The following CMTM8 variants were observed in gnomAD, a reference collection of about 807,000 sequenced individuals.
CMTM8 encodes the protein CKLF like MARVEL transmembrane domain containing 8, also known as CKLF-like MARVEL transmembrane domain-containing protein 8.
A neutral mutation model predicts 18.6 loss-of-function variants in CMTM8; 12 were observed. The observed-to-expected ratio is 0.65, with a 90% CI of 0.41 to 1.05. CMTM8 has a LOEUF of 1.05. Among genes scored for constraint, CMTM8 ranks in the 50% least tolerant of loss-of-function variants. The pLI is 0.00. For missense variants in CMTM8, 217 were observed against 227.2 expected (o/e 0.95, Z 0.29); for synonymous variants, 87 against 90.6 (o/e 0.96, Z 0.23).
chr3:32,241,206 C>T (rs1040720035), intron 1 of CMTM8, among the ~76,000 whole-genome samples: 2 of 152,174 alleles, frequency 1.3e-5, no homozygotes, highest in Non-Finnish European at 2.9e-5. Flanking sequence ...TGTTCCCTCA[C>T]CCACCCAGTC....
chr3:32,247,781 A>T (rs539533597), intron 1 of CMTM8, among the ~76,000 whole-genome samples: 2 of 152,292 alleles, frequency 1.3e-5, no homozygotes, highest in Admixed American at 6.5e-5. Context: ...TCTTTTAAAA[A>T]TTTTTTGAAA....
chr3:32,362,007 GTC>G (rs1696940991), intron 2 of CMTM8, among the ~76,000 whole-genome samples: 1 of 145,314 alleles, frequency 6.9e-6, no homozygotes, highest in Admixed American at 6.9e-5. Flanking sequence ...AGAGATGTTT[GTC>G]TCCTTTTACC....
chr3:32,367,747 ACCCTCCCACAGGTGTCCACTTGGGC>A, intron 2 of CMTM8, 100 bp from the exon 3 acceptor site: 1 of 607,666 alleles, frequency 1.6e-6, no homozygotes, highest in African/African-American at 1.8e-5. Flanking sequence ...CTTCTCCCCC[ACCCTCCCACAGGTGTCCACTTGGGC>A]CCCTCCCCAC....
chr3:32,263,500 A>G (rs1365445959), intron 1 of CMTM8, among the ~76,000 whole-genome samples: 2 of 152,216 alleles, frequency 1.3e-5, no homozygotes, highest in African/African-American at 2.4e-5. Context: ...AAGATGGGGA[A>G]AAAAACGAGC....
chr3:32,292,892 C>T (rs1302570371), intron 1 of CMTM8, among the ~76,000 whole-genome samples: 1 of 152,130 alleles, frequency 6.6e-6, no homozygotes, highest in East Asian at 1.9e-4. Flanking sequence ...TGCGAACGTG[C>T]ATTTTGATTT....
At chr3:32,311,330 GC>G (rs1334251229) in intron 1 of CMTM8, among the ~76,000 whole-genome samples, 5 of 152,236 alleles carry the variant, frequency 3.3e-5, no homozygotes, top group Non-Finnish European at 5.9e-5. Flanking sequence ...ACTGTCTATA[GC>G]TGCCTTTGTG....
At chr3:32,279,310 C>T (rs1307260290) in intron 1 of CMTM8, among the ~76,000 whole-genome samples, 12 of 139,428 alleles carry the variant, frequency 8.6e-5, no homozygotes, top group Admixed American at 8.5e-4. Flanking sequence ...GTATATCTCC[C>T]ACTGCTATCC....
chr3:32,334,733 T>C (rs1363254260), intron 1 of CMTM8, among the ~76,000 whole-genome samples: 1 of 152,238 alleles, frequency 6.6e-6, no homozygotes, highest in Non-Finnish European at 1.5e-5. Context: ...TTCTTTTGCC[T>C]TAATGTGACA....
chr3:32,325,782 A>G (rs1170068063), intron 1 of CMTM8, among the ~76,000 whole-genome samples: 1 of 152,192 alleles, frequency 6.6e-6, no homozygotes, highest in Non-Finnish European at 1.5e-5. Flanking sequence ...CTGATTCCCC[A>G]TAGTCCAGCA....
intron 3 of CMTM8, among the ~76,000 whole-genome samples, chr3:32,368,456 A>AT (rs10594471): frequency 0.076 from 9,733 of 128,062 alleles, 443 homozygotes; most frequent in Middle Eastern, 0.11. Flanking sequence ...AGAAACTTCT[A>AT]TTTTTTTTTT....
chr3:32,328,818 A>G (rs1696217570), intron 1 of CMTM8, among the ~76,000 whole-genome samples: 1 of 152,150 alleles, frequency 6.6e-6, no homozygotes, highest in Admixed American at 6.5e-5. Flanking sequence ...CATAACTAGT[A>G]AAAAGATGGA....
At chr3:32,328,486 G>A (rs750715508) in intron 1 of CMTM8, among the ~76,000 whole-genome samples, 78 of 55,972 alleles carry the variant, frequency 1.4e-3, no homozygotes, top group African/African-American at 3.9e-3. Context: ...TGATCGTGCC[G>A]CTGCAGTGAG....
At chr3:32,276,592 G>C (rs972110608) in intron 1 of CMTM8, among the ~76,000 whole-genome samples, 4 of 152,098 alleles carry the variant, frequency 2.6e-5, no homozygotes, top group African/African-American at 9.7e-5. Flanking sequence ...CTGAAATTGC[G>C]CCACACAAGA....
intron 1 of CMTM8, among the ~76,000 whole-genome samples, chr3:32,306,428 C>T (rs116416870): frequency 1.9e-3 from 286 of 152,306 alleles, no homozygotes; most frequent in African/African-American, 6.0e-3. Context: ...ATGGGAGGAA[C>T]TGAAAAGCGA....
intron 1 of CMTM8, among the ~76,000 whole-genome samples, chr3:32,296,309 A>G (rs889735148): frequency 6.6e-6 from 1 of 152,032 alleles, no homozygotes; most frequent in Non-Finnish European, 1.5e-5. Context: ...TTGCTGGTTT[A>G]CTTGTCTGAA....
At position 32,253,488 on chromosome 3, in the gene CMTM8, TCGTCCG is replaced by T. The variant is rs531441813; in HGVS notation, c.147+14371_147+14376del. Among the ~76,000 whole-genome samples, 21 of 149,490 alleles carry T rather than the reference TCGTCCG, an allele frequency of 1.4e-4. 1 individual carries two copies. The East Asian group carries it at 4.2e-3, about 30-fold the overall frequency. Reference sequence around the variant, plus strand: ...GCCTCCCTAGTAGCTGGGATTACAGTCGTCCGCCATCATGCCCGGCTAATTATTTTT... The same window carrying T: ...GCCTCCCTAGTAGCTGGGATTACAGTCCATCATGCCCGGCTAATTATTTTT... On this transcript the variant is annotated intron_variant, in intron 1 of 3. Coordinates refer to ENST00000307526, the MANE Select transcript of CMTM8 (RefSeq NM_178868.5).
chr3:32,358,181 C>T lies in CMTM8; in HGVS notation c.321+635C>T, dbSNP rs1358216119. ...ATACGAGACCCTGTGGCATACACTG[C>T]AGTGAAGCTGTGTAGAAAGTGTGAT... On this transcript the variant is annotated intron_variant, in intron 2 of 3. Transcript: ENST00000307526. This position sits in a 1 kb window ranked among gnomAD's most constrained non-coding sequence, Gnocchi z 4.1. Among the ~76,000 whole-genome samples, 2 of 152,166 alleles carry T rather than the reference C, an allele frequency of 1.3e-5. No homozygotes were observed. The highest frequency in any genetic ancestry group is 1.3e-4 in the Admixed American group (2 of 15,282).
intron 1 of CMTM8, chr3:32,259,954 C>T (rs775442426): frequency 3.9e-5 from 45 of 1,143,448 alleles, no homozygotes; most frequent in Admixed American, 7.8e-5. Context: ...AGCAGCTCAA[C>T]GGGATCCTGC....
At position 32,246,774 on chromosome 3, in the gene CMTM8, G is replaced by C. The variant is rs574273494; in HGVS notation, c.147+7655G>C. 7.2e-5 allele frequency among the ~76,000 whole-genome samples: 11 copies of C among 152,280 alleles called. No homozygotes were observed. In the East Asian group the frequency reaches 2.1e-3, roughly 29 times the overall value. ...AGTGTTTTCTGAGGATGATTACTTA[G>C]AATTGATAAGAGGGTATATGAATCT... On this transcript the variant is annotated intron_variant, in intron 1 of 3. Coordinates refer to ENST00000307526, the MANE Select transcript of CMTM8 (RefSeq NM_178868.5).
Sources: gnomAD v4.1 joint callset for allele counts (sites outside exome capture counted in the v4.1 genomes callset) on GRCh38, gnomAD v4.1.1 for gene constraint, Gnocchi (gnomAD v3.1) non-coding constraint, MANE v1.5 for transcripts, NCBI Gene and HGNC (gene_info 2026-07-23, HGNC 2026-07-21) for gene names.